B3GALT1: variants seen among roughly 807,000 people sequenced by gnomAD.
The protein encoded by B3GALT1 is UDP-Gal:betaGlcNAc beta 1,3-galactosyltransferase, polypeptide 1.
Under a neutral mutation model 23.2 loss-of-function variants are expected in B3GALT1, and 10 were observed. That is an observed-to-expected ratio of 0.43 (90% CI 0.27 to 0.73). The LOEUF (loss-of-function observed/expected upper bound fraction) is 0.73. B3GALT1 is among the 30% of genes least tolerant of loss of function. The probability of loss-of-function intolerance (pLI) is 0.21; values close to 1 mark genes in which losing one functional copy is unlikely to be tolerated. For synonymous variants in B3GALT1, 156 were observed against 141.5 expected, an observed-to-expected ratio of 1.10 and a Z score of -0.73; for missense variants, 299 against 405.4, an observed-to-expected ratio of 0.74 and a Z score of 2.25.
intron 1 of B3GALT1, among the ~76,000 whole-genome samples, chr2:167,388,212 T>C (rs1224858361): frequency 6.6e-6 from 1 of 152,184 alleles, no homozygotes; most frequent in Non-Finnish European, 1.5e-5. Context: ...AAAGGGAGAA[T>C]GAATATGGTG....
At chr2:167,583,691 C>T (rs1466871979) in intron 2 of B3GALT1, among the ~76,000 whole-genome samples, 1 of 152,096 alleles carries the variant, frequency 6.6e-6, no homozygotes, top group Non-Finnish European at 1.5e-5. Context: ...CATATATACT[C>T]GATTTGTCAG....
intron 2 of B3GALT1, among the ~76,000 whole-genome samples, chr2:167,511,252 C>T (rs925077486): frequency 6.6e-6 from 1 of 152,190 alleles, no homozygotes; most frequent in African/African-American, 2.4e-5. Flanking sequence ...CAAATCTCAT[C>T]TTGAATTGTA....
At chr2:167,379,244 A>G (rs1408573347) in intron 1 of B3GALT1, among the ~76,000 whole-genome samples, 1 of 152,088 alleles carries the variant, frequency 6.6e-6, no homozygotes, top group African/African-American at 2.4e-5. Flanking sequence ...ACTCTCTATC[A>G]TGAGAACAGC....
chr2:167,563,183 TG>T (rs976608458), intron 2 of B3GALT1, among the ~76,000 whole-genome samples: 3 of 150,118 alleles, frequency 2.0e-5, no homozygotes, highest in Non-Finnish European at 4.4e-5. Context: ...CCAGACAGGG[TG>T]GTGGCCGGGC....
chr2:167,868,737 CTTG>C (rs1690282698), intron 4 of B3GALT1, among the ~76,000 whole-genome samples, 71 bp from the exon 5 acceptor site: 1 of 152,094 alleles, frequency 6.6e-6, no homozygotes. Context: ...TTCTTATACC[CTTG>C]TTATGTTTAT....
At chr2:167,802,882 T>C (rs1019364582) in intron 3 of B3GALT1, among the ~76,000 whole-genome samples, 5 of 151,876 alleles carry the variant, frequency 3.3e-5, no homozygotes, top group African/African-American at 7.3e-5. Context: ...AACAAAAATG[T>C]ACAATGAAGT....
At chr2:167,701,558 T>C (rs1309438731) in intron 3 of B3GALT1, among the ~76,000 whole-genome samples, 2 of 152,206 alleles carry the variant, frequency 1.3e-5, no homozygotes, top group African/African-American at 2.4e-5. Flanking sequence ...AAATAAGTTA[T>C]GTCTTGCACC....
chr2:167,556,838 C>G (rs1442284598), intron 2 of B3GALT1, among the ~76,000 whole-genome samples: 1 of 152,200 alleles, frequency 6.6e-6, no homozygotes, highest in Non-Finnish European at 1.5e-5. Context: ...CTGATTACTT[C>G]TTACTGTGTG....
intron 3 of B3GALT1, among the ~76,000 whole-genome samples, chr2:167,678,374 A>G (rs1166320783): frequency 6.6e-6 from 1 of 152,196 alleles, no homozygotes; most frequent in Admixed American, 6.5e-5. Context: ...CTGAGGCCCA[A>G]AAAAGCTAAA....
chr2:167,758,107 G>T (rs1687845037), intron 3 of B3GALT1, among the ~76,000 whole-genome samples: 1 of 151,970 alleles, frequency 6.6e-6, no homozygotes, highest in Non-Finnish European at 1.5e-5. Context: ...GTTTTTTTAG[G>T]CTTCCCGGAT....
chr2:167,735,316 A>T (rs1823295), intron 3 of B3GALT1, among the ~76,000 whole-genome samples: 28,499 of 152,122 alleles, frequency 0.19, 2,882 homozygotes, highest in Non-Finnish European at 0.21. Flanking sequence ...CCATTCTTTT[A>T]TTAATATATT....
chr2:167,454,314 G>C (rs1438939247), intron 1 of B3GALT1, among the ~76,000 whole-genome samples: 1 of 152,202 alleles, frequency 6.6e-6, no homozygotes, highest in East Asian at 1.9e-4. Context: ...GTTTGGAACA[G>C]TAGGACTGAC....
chr2:167,405,849 A>C (rs1698265112), intron 1 of B3GALT1, among the ~76,000 whole-genome samples: 1 of 152,308 alleles, frequency 6.6e-6, no homozygotes, highest in East Asian at 1.9e-4. Context: ...AGAAGCTCAA[A>C]AAAGTCATAG....
At chr2:167,686,650 A>T (rs1450316552) in intron 3 of B3GALT1, among the ~76,000 whole-genome samples, 1 of 152,246 alleles carries the variant, frequency 6.6e-6, no homozygotes, top group Non-Finnish European at 1.5e-5. Flanking sequence ...TTTTCTAAGA[A>T]GTATTTAAAG....
At chr2:167,322,147 A>T (rs1283933643) in intron 1 of B3GALT1, among the ~76,000 whole-genome samples, 1 of 152,018 alleles carries the variant, frequency 6.6e-6, no homozygotes, top group Non-Finnish European at 1.5e-5. Context: ...TAAACAAATT[A>T]ATTTTTTGGT....
chr2:167,381,027 C>T (rs749493245), intron 1 of B3GALT1, among the ~76,000 whole-genome samples: 9 of 151,928 alleles, frequency 5.9e-5, no homozygotes, highest in Non-Finnish European at 1.2e-4. Context: ...AATTCATCAT[C>T]GTGGGGAAAA....
intron 2 of B3GALT1, among the ~76,000 whole-genome samples, chr2:167,639,220 A>G (rs1271828464): frequency 6.6e-6 from 1 of 152,048 alleles, no homozygotes; most frequent in Non-Finnish European, 1.5e-5. Flanking sequence ...GTTAAGACAT[A>G]GAAAGTTACA....
At chr2:167,420,396 T>A (rs1698528247) in intron 1 of B3GALT1, among the ~76,000 whole-genome samples, 1 of 152,318 alleles carries the variant, frequency 6.6e-6, no homozygotes, top group South Asian at 2.1e-4. Context: ...ATTTATTAGA[T>A]GAACTAAAAA....
intron 3 of B3GALT1, among the ~76,000 whole-genome samples, chr2:167,655,083 T>C (rs1270305441): frequency 6.6e-6 from 1 of 152,210 alleles, no homozygotes; most frequent in East Asian, 1.9e-4. Context: ...ACTAATATCT[T>C]ATTCTTTGAA....
Sources: gnomAD v4.1 joint callset for allele counts (sites outside exome capture counted in the v4.1 genomes callset) on GRCh38, gnomAD v4.1.1 for gene constraint, MANE v1.5 for transcripts, NCBI Gene and HGNC (gene_info 2026-07-23, HGNC 2026-07-21) for gene names.